P3H2: variants seen among roughly 807,000 people sequenced by gnomAD.
The protein encoded by P3H2 is prolyl 3-hydroxylase 2, also known as leprecan-like 1.
In P3H2, 80 loss-of-function variants were observed where a neutral mutation model predicts 87.0. That is an observed-to-expected ratio of 0.92 (90% confidence interval 0.77 to 1.11). The LOEUF (loss-of-function observed/expected upper bound fraction) is 1.11, where lower values mean the gene tolerates loss of function less well. Ranked by LOEUF, P3H2 falls within the 50% of genes least tolerant of loss-of-function variation. The pLI is 0.00. For synonymous variants in P3H2, 367 were observed against 359.3 expected, an observed-to-expected ratio of 1.02 and a Z score of -0.24; for missense variants, 1,001 against 923.9, an observed-to-expected ratio of 1.08 and a Z score of -1.08.
In P3H2 at chr3:189,984,541, T is replaced by C. The variant is rs1723632688; in HGVS notation, c.1229+9A>G. The C allele has an allele frequency of 2.5e-6, 4 of 1,608,282 alleles. No homozygotes were observed. Among genetic ancestry groups the C allele is most frequent in the East Asian group, 2.2e-5 (1 of 44,806 alleles). ...ATAAAAAACCAGTTTGCATTCTGAA[T>C]GGACTTACCGATTCTCATCCTGTCG... is the stretch of plus-strand genomic sequence containing the variant. On this transcript the variant is annotated intron_variant, in intron 7 of 14. Transcript: ENST00000319332.
chr3:190,007,862 T>C (rs946051233), intron 1 of P3H2, among the ~76,000 whole-genome samples: 3 of 149,716 alleles, frequency 2.0e-5, no homozygotes, highest in Admixed American at 2.0e-4. Context: ...AATGGGACAC[T>C]GTATTTCACA....
At chr3:190,009,154 AC>A (rs1434348870) in intron 1 of P3H2, among the ~76,000 whole-genome samples, 2 of 152,132 alleles carry the variant, frequency 1.3e-5, no homozygotes, top group Non-Finnish European at 2.9e-5. Context: ...TTCTAGGAGT[AC>A]AAGTGTTGGG....
At chr3:190,012,599 A>G (rs1724628974) in intron 1 of P3H2, among the ~76,000 whole-genome samples, 1 of 152,116 alleles carries the variant, frequency 6.6e-6, no homozygotes, top group African/African-American at 2.4e-5. Context: ...CTTCTTGGGC[A>G]ATTCTCCTTC....
intron 13 of P3H2, among the ~76,000 whole-genome samples, chr3:189,968,290 C>T (rs1247743173): frequency 3.3e-5 from 5 of 151,972 alleles, no homozygotes; most frequent in East Asian, 1.9e-4. Flanking sequence ...TGTTACCCTC[C>T]GTGTCCATGT....
intron 1 of P3H2, among the ~76,000 whole-genome samples, chr3:190,059,371 C>G (rs1394293544): frequency 3.9e-5 from 6 of 151,946 alleles, no homozygotes; most frequent in African/African-American, 1.5e-4. Context: ...CCCAGCACAG[C>G]TGCACCGAGA....
rs935264678 is a variant in P3H2, at chr3:190,120,781, G to T, written c.-50C>A. On this transcript the variant is annotated 5_prime_UTR_variant, in exon 1 of 15. Coordinates refer to ENST00000319332, the MANE Select transcript of P3H2 (RefSeq NM_018192.4). ...CGGTTACGCTCGAGAGGGCTTCGGG[G>T]CACCTCGCGTCCGGGTCCCCTCTCC... 2.1e-5 allele frequency: 31 copies of T among 1,502,208 alleles called. No individual in the cohort carries two copies. The African/African-American group carries it at 3.5e-4, about 17-fold the overall frequency. 93.1% of individuals were successfully genotyped at this position (1,502,208 alleles called of 1,614,324 possible).
At chr3:190,058,755 G>A (rs560879702) in intron 1 of P3H2, among the ~76,000 whole-genome samples, 3 of 152,224 alleles carry the variant, frequency 2.0e-5, no homozygotes, top group East Asian at 3.9e-4. Context: ...TTAACCCTGC[G>A]CAAAAGGTCA....
intron 1 of P3H2, among the ~76,000 whole-genome samples, chr3:190,054,599 C>T (rs922789136): frequency 3.9e-5 from 6 of 152,258 alleles, no homozygotes; most frequent in East Asian, 3.9e-4. Flanking sequence ...CCCTCCACTA[C>T]TCCAGGCAGC....
At chr3:189,975,420 T>C (rs1227834738) in intron 8 of P3H2, among the ~76,000 whole-genome samples, 1 of 152,232 alleles carries the variant, frequency 6.6e-6, no homozygotes. Flanking sequence ...ACAAAGACTT[T>C]TTTTCATAGA....
chr3:190,120,435 G>A lies in P3H2; in HGVS notation c.297C>T (p.Pro99=). ...GCAGCTCAGCGCCGGGGCCCTCGCC[G>A]GGGGGCGGGGGCGGGAGCGGGTGGC... ...AARHPLPPPP[P]GEGPGAELPL... The change falls in exon 1 of 15, where the codon CCC becomes CCT. Residue 99 remains proline (P), a synonymous_variant. Coordinates refer to ENST00000319332, the MANE Select transcript of P3H2 (RefSeq NM_018192.4). 6.9e-7 allele frequency: 1 copy of A among 1,443,126 alleles called. No homozygotes were observed. Among genetic ancestry groups the A allele is most frequent in the Non-Finnish European group, 9.0e-7 (1 of 1,107,502 alleles). The allele number at this position is 1,443,126 out of a possible 1,614,324, so 89.4% of individuals were successfully genotyped here. A position where few individuals can be genotyped will look rare whatever the true frequency, so the allele number is the denominator to read the frequency against.
intron 8 of P3H2, among the ~76,000 whole-genome samples, chr3:189,982,556 C>T (rs973030607): frequency 1.1e-4 from 17 of 152,148 alleles, no homozygotes; most frequent in African/African-American, 4.1e-4. Flanking sequence ...GTTCCCTCTA[C>T]ATCCATGCAT....
At position 189,977,279 on chromosome 3, in the gene P3H2, C is replaced by T. The variant is rs577572117; in HGVS notation, c.1325-2594G>A. Among the ~76,000 whole-genome samples the T allele has an allele frequency of 5.9e-5, 9 of 152,278 alleles. No homozygotes were observed. In the South Asian group the frequency reaches 1.5e-3, roughly 25 times the overall value. On this transcript the variant is annotated intron_variant, in intron 8 of 14. Transcript: ENST00000319332. ...ACATGAAATTGCAACTTCTCTCTTGCCTTCTCAGTCTCTTGCCTTCTCCGC... is the reference window on the plus strand; with the variant it reads ...ACATGAAATTGCAACTTCTCTCTTGTCTTCTCAGTCTCTTGCCTTCTCCGC...
chr3:189,978,397 C>T (rs12490823), intron 8 of P3H2, among the ~76,000 whole-genome samples: 44,939 of 151,954 alleles, frequency 0.3, 7,171 homozygotes, highest in East Asian at 0.51. Context: ...ACCTGGAATA[C>T]TGTGTTAAGT....
intron 1 of P3H2, among the ~76,000 whole-genome samples, chr3:190,001,222 A>G (rs1197816008): frequency 1.3e-5 from 2 of 152,258 alleles, no homozygotes; most frequent in Admixed American, 6.5e-5. Context: ...ATACGAAATT[A>G]AGAACAACTT....
chr3:190,019,784 A>AT (rs1481627651), intron 1 of P3H2, among the ~76,000 whole-genome samples: 2,292 of 41,104 alleles, frequency 0.056, 276 homozygotes, highest in Middle Eastern at 0.14. Context: ...AGAAATTAAA[A>AT]AATATATATA....
At chr3:190,063,807 G>A (rs1474642974) in intron 1 of P3H2, among the ~76,000 whole-genome samples, 2 of 151,996 alleles carry the variant, frequency 1.3e-5, no homozygotes, top group Non-Finnish European at 2.9e-5. Flanking sequence ...GAAAAAGATG[G>A]GGAGCAGATA....
intron 4 of P3H2, among the ~76,000 whole-genome samples, chr3:189,987,970 T>A (rs1723758602): frequency 6.6e-6 from 1 of 152,230 alleles, no homozygotes; most frequent in African/African-American, 2.4e-5. Flanking sequence ...AACAGCAGAA[T>A]TCTATGAGTT....
At chr3:190,108,525 T>C (rs796258652) in intron 1 of P3H2, among the ~76,000 whole-genome samples, 5 of 152,342 alleles carry the variant, frequency 3.3e-5, no homozygotes, top group African/African-American at 9.6e-5. Flanking sequence ...AGCCTGTAAA[T>C]CTTTACTTTT....
intron 1 of P3H2, among the ~76,000 whole-genome samples, chr3:190,052,882 C>T (rs1035887866): frequency 1.3e-5 from 2 of 152,168 alleles, no homozygotes; most frequent in Non-Finnish European, 1.5e-5. Context: ...TAAAAGTTTC[C>T]GTGTGCCACT....
Sources: gnomAD v4.1 joint callset for allele counts (sites outside exome capture counted in the v4.1 genomes callset) on GRCh38, gnomAD v4.1.1 for gene constraint, MANE v1.5 for transcripts, NCBI Gene and HGNC (gene_info 2026-07-23, HGNC 2026-07-21) for gene names.